Variants in CHRNA7 observed in about 807,000 individuals in gnomAD.
CHRNA7 encodes the protein neuronal acetylcholine receptor subunit alpha-7.
A neutral mutation model predicts 48.0 loss-of-function variants in CHRNA7; 17 were observed. That is an observed-to-expected ratio of 0.35 (90% CI 0.24 to 0.53). CHRNA7 has a LOEUF of 0.53. Ranked by LOEUF, CHRNA7 falls within the 20% of genes least tolerant of loss-of-function variation. CHRNA7 has a pLI of 0.92. For synonymous variants in CHRNA7, 75 were observed against 242.3 expected (o/e 0.31, Z 6.41); for missense variants, 155 against 577.7 (o/e 0.27, Z 7.50).
At chr15:32,056,764 A>G (rs2049794750) in intron 2 of CHRNA7, among the ~76,000 whole-genome samples, 1 of 152,164 alleles carries the variant, frequency 6.6e-6, no homozygotes, top group Non-Finnish European at 1.5e-5. Context: ...CTATTTCTTG[A>G]TTGATTAAAA....
At chr15:32,068,912 A>C (rs1461439932) in intron 2 of CHRNA7, among the ~76,000 whole-genome samples, 2 of 152,208 alleles carry the variant, frequency 1.3e-5, no homozygotes, top group Admixed American at 1.3e-4. Context: ...AAAATAGTTG[A>C]AGACTTCGGT....
rs2052389082 is a variant in CHRNA7 at position 32,170,433 on chromosome 15, T to C, written c.*1975T>C. On this transcript the variant is annotated 3_prime_UTR_variant, in exon 10 of 10. Coordinates refer to ENST00000306901, the MANE Select transcript of CHRNA7 (RefSeq NM_000746.6). ...CCATGCACAAGATTTTCGGTTTTTTTTTTTTTTTCTGTTACAGTGTCTTTA... is the reference window on the plus strand; with the variant it reads ...CCATGCACAAGATTTTCGGTTTTTTCTTTTTTTTCTGTTACAGTGTCTTTA... The C allele has an allele frequency of 6.6e-6, 1 of 151,988 alleles. No homozygotes were observed. Among genetic ancestry groups the C allele is most frequent in the South Asian group, 2.1e-4 (1 of 4,808 alleles). The allele number at this position is 151,988 out of a possible 1,614,324, so 9.4% of individuals were successfully genotyped here. A position where few individuals can be genotyped will look rare whatever the true frequency, so the allele number is the denominator to read the frequency against.
chr15:32,093,825 T>G (rs2141249564), intron 2 of CHRNA7, among the ~76,000 whole-genome samples: 1 of 152,212 alleles, frequency 6.6e-6, no homozygotes, highest in East Asian at 1.9e-4. Context: ...GTGGTCTGAT[T>G]TTTTAAATCC....
intron 3 of CHRNA7, among the ~76,000 whole-genome samples, chr15:32,104,286 G>A (rs1359297414): frequency 1.3e-5 from 2 of 151,838 alleles, no homozygotes; most frequent in Non-Finnish European, 2.9e-5. Flanking sequence ...CCCCCTCAGG[G>A]CCTTTGCACT....
In CHRNA7 at chr15:32,072,354, A is replaced by G. The variant is rs143741420; in HGVS notation, c.196-28949A>G. ...GAAATGACTCAGAGTTTGAAGTTAC[A>G]TTTAAAAGGGGAGCAGAGTGTAAAA... On this transcript the variant is annotated intron_variant, in intron 2 of 9. Transcript: ENST00000306901. Among the ~76,000 whole-genome samples, 230 of 152,322 alleles carry G rather than the reference A, an allele frequency of 1.5e-3. 2 individuals carry two copies. The highest frequency in any genetic ancestry group is 5.3e-3 in the African/African-American group (220 of 41,570).
chr15:32,126,143 T>A (rs1487179232), intron 4 of CHRNA7, among the ~76,000 whole-genome samples: 1 of 152,210 alleles, frequency 6.6e-6, no homozygotes, highest in Non-Finnish European at 1.5e-5. Context: ...GAATTACTTA[T>A]GCATTTTGTA....
At chr15:32,031,157 C>G (rs910602916) in intron 2 of CHRNA7, 120 bp downstream of exon 2, 3 of 1,173,918 alleles carry the variant, frequency 2.6e-6, no homozygotes, top group Non-Finnish European at 2.4e-6. Flanking sequence ...TGGCCCCAAG[C>G]TAGGCAGGGC....
chr15:32,150,856 A>G (rs1349392189), intron 4 of CHRNA7, among the ~76,000 whole-genome samples: 5 of 152,118 alleles, frequency 3.3e-5, no homozygotes, highest in African/African-American at 9.7e-5. Flanking sequence ...TGACTCATTA[A>G]CAGTCAGATA....
intron 2 of CHRNA7, 29 bp downstream of exon 2, chr15:32,031,066 C>G: frequency 6.2e-7 from 1 of 1,612,566 alleles, no homozygotes; most frequent in Middle Eastern, 1.7e-4. Context: ...CAGGGCTGCC[C>G]TCTCCCCTTC....
chr15:32,134,232 C>T (rs1428188046), intron 4 of CHRNA7, among the ~76,000 whole-genome samples: 1 of 151,860 alleles, frequency 6.6e-6, no homozygotes, highest in Non-Finnish European at 1.5e-5. Context: ...GATCTCGGCT[C>T]ACTGCAACCT....
chr15:32,050,149 T>G (rs2141186028), intron 2 of CHRNA7, among the ~76,000 whole-genome samples: 1 of 152,346 alleles, frequency 6.6e-6, no homozygotes. Context: ...TCGATGAGTA[T>G]CTTTGTGGTG....
intron 3 of CHRNA7, chr15:32,111,199 A>C (rs2050757307): frequency 1.3e-5 from 2 of 152,270 alleles, no homozygotes; most frequent in Non-Finnish European, 1.5e-5. Flanking sequence ...CTGAGTCTTC[A>C]CCTGCCTCCT....
At chr15:32,040,211 C>T (rs1310725581) in intron 2 of CHRNA7, among the ~76,000 whole-genome samples, 5 of 152,014 alleles carry the variant, frequency 3.3e-5, no homozygotes, top group African/African-American at 1.2e-4. Context: ...CTTACAGTCT[C>T]TTTAAATTGA....
intron 2 of CHRNA7, among the ~76,000 whole-genome samples, chr15:32,050,143 T>G (rs971813969): frequency 1.2e-4 from 19 of 152,318 alleles, no homozygotes; most frequent in Middle Eastern, 3.4e-3. Flanking sequence ...CTCTTCTCGA[T>G]GAGTATCTTT....
intron 2 of CHRNA7, among the ~76,000 whole-genome samples, chr15:32,064,814 C>T (rs2049939062): frequency 6.6e-6 from 1 of 152,144 alleles, no homozygotes; most frequent in Admixed American, 6.5e-5. Flanking sequence ...TACCTATGCT[C>T]ATCATACAGA....
chr15:32,043,583 G>A (rs1566797336), intron 2 of CHRNA7, among the ~76,000 whole-genome samples: 1 of 152,128 alleles, frequency 6.6e-6, no homozygotes, highest in Non-Finnish European at 1.5e-5. Flanking sequence ...ACTAAGTAAA[G>A]TCTAGTGAAA....
chr15:32,123,990 CA>C (rs1016939179), intron 4 of CHRNA7, among the ~76,000 whole-genome samples: 20 of 126,556 alleles, frequency 1.6e-4, no homozygotes, highest in African/African-American at 6.1e-4. Flanking sequence ...AAACAGCCTA[CA>C]AAAAACCAGA....
chr15:32,044,771 A>G (rs2049510172), intron 2 of CHRNA7, among the ~76,000 whole-genome samples: 1 of 152,202 alleles, frequency 6.6e-6, no homozygotes, highest in Admixed American at 6.5e-5. Context: ...TGCTACTGAC[A>G]CTTACAGGGA....
At chr15:32,112,322 C>T (rs1176479657) in intron 4 of CHRNA7, 1 of 458,332 alleles carries the variant, frequency 2.2e-6, no homozygotes, top group Admixed American at 2.3e-5. Context: ...GTCTATGTTC[C>T]CTGTTGTGCA....
Sources: gnomAD v4.1 joint callset for allele counts (sites outside exome capture counted in the v4.1 genomes callset) on GRCh38, gnomAD v4.1.1 for gene constraint, MANE v1.5 for transcripts, NCBI Gene and HGNC (gene_info 2026-07-23, HGNC 2026-07-21) for gene names.